STXBP6: variants seen among roughly 807,000 people sequenced by gnomAD.
STXBP6 encodes syntaxin binding protein 6.
Under a neutral mutation model 26.9 loss-of-function variants are expected in STXBP6, and 21 were observed. That is an observed-to-expected ratio of 0.78 (90% confidence interval 0.55 to 1.12). The LOEUF is 1.12. Ranked by LOEUF, STXBP6 falls within the 50% of genes most tolerant of loss-of-function variation. STXBP6 has a pLI of 0.00. For missense variants in STXBP6, 232 were observed against 257.9 expected, an observed-to-expected ratio of 0.90 and a Z score of 0.69; for synonymous variants, 97 against 92.6, an observed-to-expected ratio of 1.05 and a Z score of -0.27.
At chr14:24,975,372 A>C (rs2074017863) in intron 1 of STXBP6, among the ~76,000 whole-genome samples, 1 of 152,200 alleles carries the variant, frequency 6.6e-6, no homozygotes, top group Non-Finnish European at 1.5e-5. Context: ...GCAACAGAAG[A>C]CCATTAAATT....
intron 2 of STXBP6, among the ~76,000 whole-genome samples, chr14:24,935,364 G>C (rs560106836): frequency 6.6e-6 from 1 of 152,240 alleles, no homozygotes; most frequent in African/African-American, 2.4e-5. Context: ...GTGAAGTTAA[G>C]AGAAGTGTCA....
At chr14:24,981,041 T>A (rs2074177918) in intron 1 of STXBP6, among the ~76,000 whole-genome samples, 1 of 152,026 alleles carries the variant, frequency 6.6e-6, no homozygotes, top group South Asian at 2.1e-4. Context: ...CTTTGGGTTT[T>A]CCCCCTGTAT....
chr14:25,021,522 G>C (rs2075263357), intron 1 of STXBP6, among the ~76,000 whole-genome samples: 1 of 152,048 alleles, frequency 6.6e-6, no homozygotes. Flanking sequence ...TCAACCCACA[G>C]CAATCTGGCT....
At chr14:24,883,960 G>A (rs2070473817) in intron 2 of STXBP6, among the ~76,000 whole-genome samples, 1 of 151,962 alleles carries the variant, frequency 6.6e-6, no homozygotes, top group African/African-American at 2.4e-5. Flanking sequence ...TAAACATAGG[G>A]GACAACTAAA....
chr14:24,971,898 A>G (rs2073917318), intron 2 of STXBP6, among the ~76,000 whole-genome samples: 1 of 152,228 alleles, frequency 6.6e-6, no homozygotes, highest in African/African-American at 2.4e-5. Flanking sequence ...AGCGGTACCC[A>G]CGGAACATAG....
chr14:24,827,259 T>G (rs2068313623), intron 4 of STXBP6, among the ~76,000 whole-genome samples: 1 of 152,180 alleles, frequency 6.6e-6, no homozygotes, highest in Non-Finnish European at 1.5e-5. Context: ...TGAACTAGTG[T>G]GAGAACTAAA....
Position 24,938,949 on chromosome 14 carries a change from G to A in STXBP6, c.154+35716C>T, listed in dbSNP as rs185430534. ...AGGGGGAAGGAAGATCATTTAAGCA[G>A]CCAACTCCAGGCAGCCAGAAAATGC... On this transcript the variant is annotated intron_variant, in intron 2 of 5. Transcript: ENST00000323944. Among the ~76,000 whole-genome samples the A allele has an allele frequency of 3.8e-3, 577 of 152,194 alleles. 3 individuals are homozygous for A. The highest frequency in any genetic ancestry group is 0.01 in the Middle Eastern group (3 of 294).
chr14:25,007,359 G>A (rs926405492), intron 1 of STXBP6, among the ~76,000 whole-genome samples: 4 of 152,134 alleles, frequency 2.6e-5, no homozygotes, highest in African/African-American at 7.2e-5. Context: ...GCTTTCTGAC[G>A]GTGACTGTGA....
intron 2 of STXBP6, among the ~76,000 whole-genome samples, chr14:24,926,198 C>T (rs2072160282): frequency 6.6e-6 from 1 of 151,978 alleles, no homozygotes; most frequent in African/African-American, 2.4e-5. Context: ...TCCAAGCAGA[C>T]TAGCAAAGCC....
chr14:24,815,875 A>C (rs1442244396), intron 5 of STXBP6: 1 of 152,212 alleles, frequency 6.6e-6, no homozygotes, highest in African/African-American at 2.4e-5. Flanking sequence ...ACATTTCCTC[A>C]AACCAGGCTC....
rs557567784 is a variant in STXBP6, at chr14:24,896,197, TTCACC to T, written c.155-39045_155-39041del. On this transcript the variant is annotated intron_variant, in intron 2 of 5. Coordinates refer to ENST00000323944, the MANE Select transcript of STXBP6 (RefSeq NM_001394410.1). Reference sequence around the variant, plus strand: ...ATCTAGTGTGGTCCCAGGATGTGTGTTCACCTGCCAGCCTGTTGGCACTTAGCCAT... The same window carrying T: ...ATCTAGTGTGGTCCCAGGATGTGTGTTGCCAGCCTGTTGGCACTTAGCCAT... Among the ~76,000 whole-genome samples, 13 of 152,306 alleles carry T rather than the reference TTCACC, an allele frequency of 8.5e-5. No individual in the cohort carries two copies. In the South Asian group the frequency reaches 2.7e-3, roughly 32 times the overall value.
chr14:24,952,810 G>A (rs2073215752), intron 2 of STXBP6, among the ~76,000 whole-genome samples: 2 of 152,084 alleles, frequency 1.3e-5, no homozygotes, highest in African/African-American at 4.8e-5. Flanking sequence ...CATCAAATAA[G>A]TAAAAACAAA....
At chr14:24,954,709 T>C (rs1193441158) in intron 2 of STXBP6, among the ~76,000 whole-genome samples, 1 of 152,178 alleles carries the variant, frequency 6.6e-6, no homozygotes, top group Non-Finnish European at 1.5e-5. Flanking sequence ...ATCTTTCCTA[T>C]AAAGTGAGGC....
intron 1 of STXBP6, among the ~76,000 whole-genome samples, chr14:25,040,203 G>C (rs140115547): frequency 1.3e-5 from 2 of 152,152 alleles, no homozygotes; most frequent in South Asian, 4.1e-4. Flanking sequence ...CCATATGAAT[G>C]AGCCATGTTT....
rs1426785740 is a variant in STXBP6 at position 24,810,139 on chromosome 14, T to A, written c.*2570A>T. On this transcript the variant is annotated 3_prime_UTR_variant, in exon 6 of 6. Transcript: ENST00000323944. ...AGGAAGAAGTGGTAATACTGGAAAGTTTCTTTCCTTTTTGAGTTGTCTATA... is the reference window on the plus strand; with the variant it reads ...AGGAAGAAGTGGTAATACTGGAAAGATTCTTTCCTTTTTGAGTTGTCTATA... 3 of 152,240 alleles carry A rather than the reference T, an allele frequency of 2.0e-5. No homozygotes were observed. The highest frequency in any genetic ancestry group is 4.4e-5 in the Non-Finnish European group (3 of 68,046). The allele number at this position is 152,240 out of a possible 1,614,324, so 9.4% of individuals were successfully genotyped here.
At chr14:25,035,596 C>G (rs1362102498) in intron 1 of STXBP6, among the ~76,000 whole-genome samples, 1 of 152,058 alleles carries the variant, frequency 6.6e-6, no homozygotes, top group African/African-American at 2.4e-5. Flanking sequence ...CTTAGTGACA[C>G]CTGGAATTCT....
chr14:25,034,587 G>C (rs1189673471), intron 1 of STXBP6, among the ~76,000 whole-genome samples: 1 of 152,134 alleles, frequency 6.6e-6, no homozygotes. Flanking sequence ...TCAAGAGCCT[G>C]AACTTAGGAG....
intron 1 of STXBP6, among the ~76,000 whole-genome samples, chr14:25,023,452 A>G (rs578152187): frequency 6.6e-6 from 1 of 152,314 alleles, no homozygotes; most frequent in South Asian, 2.1e-4. Context: ...TTTTTAAGAC[A>G]CATATAAATA....
chr14:24,862,999 G>A (rs944310972), intron 2 of STXBP6, among the ~76,000 whole-genome samples: 1 of 152,096 alleles, frequency 6.6e-6, no homozygotes, highest in African/African-American at 2.4e-5. Flanking sequence ...GATCTAGTTA[G>A]TACTTTTAAA....
Sources: allele counts gnomAD v4.1 joint callset (sites outside exome capture counted in the v4.1 genomes callset), GRCh38; gene constraint gnomAD v4.1.1; transcripts MANE v1.5; gene names NCBI Gene and HGNC (gene_info 2026-07-23, HGNC 2026-07-21).